Variants in CEP350 observed in about 807,000 individuals in gnomAD.
CEP350 encodes centrosome-associated protein 350.
In CEP350, 126 loss-of-function variants were observed where a neutral mutation model predicts 331.8. The observed-to-expected ratio is 0.38, with a 90% CI of 0.33 to 0.44. The LOEUF is 0.44. Among genes scored for constraint, CEP350 ranks in the 20% least tolerant of loss-of-function variants. The probability of loss-of-function intolerance (pLI) is 1.00; values close to 1 mark genes in which losing one functional copy is unlikely to be tolerated. For synonymous variants in CEP350, 1,200 were observed against 1,259.5 expected (o/e 0.95, Z 1.00); for missense variants, 3,406 against 3,634.6 (o/e 0.94, Z 1.62).
At chr1:180,012,413 C>T (rs1558098832) in intron 9 of CEP350, among the ~76,000 whole-genome samples, 1 of 152,170 alleles carries the variant, frequency 6.6e-6, no homozygotes, top group African/African-American at 2.4e-5. Flanking sequence ...TTCAAGCAAA[C>T]ACGGACAAAC....
chr1:180,034,352 A>G (rs779379297), intron 16 of CEP350, among the ~76,000 whole-genome samples: 3 of 152,194 alleles, frequency 2.0e-5, no homozygotes, highest in Non-Finnish European at 4.4e-5. Flanking sequence ...TTATATGTAT[A>G]TGCATGTATA....
chr1:179,991,695 GTGTGTGTGTGTGTA>G (rs1371612356), intron 4 of CEP350, among the ~76,000 whole-genome samples: 2 of 128,484 alleles, frequency 1.6e-5, no homozygotes, highest in Non-Finnish European at 3.3e-5. Context: ...GTGTGTGTGT[GTGTGTGTGTGTGTA>G]TATATATATA....
Position 180,035,792 on chromosome 1 carries a change from G to A in CEP350, c.3947-1134G>A, listed in dbSNP as rs1224225864. Among the ~76,000 whole-genome samples the A allele has an allele frequency of 2.0e-5, 3 of 152,312 alleles. No homozygotes were observed. In the East Asian group the frequency reaches 5.8e-4, roughly 29 times the overall value. On this transcript the variant is annotated intron_variant, in intron 16 of 37. Coordinates refer to ENST00000367607, the MANE Select transcript of CEP350 (RefSeq NM_014810.5). ...GATGGTCATAAAAAAGGAGATTAAT[G>A]TTTTTATGTCCCCTAACACAAAGTC... is the stretch of plus-strand genomic sequence containing the variant.
chr1:180,058,627 A>G (rs984833136), intron 25 of CEP350, among the ~76,000 whole-genome samples: 17 of 152,198 alleles, frequency 1.1e-4, no homozygotes, highest in African/African-American at 4.1e-4. Context: ...AGATAATAAC[A>G]TATTTGAAAC....
chr1:180,073,624 T>A (rs144855114), intron 27 of CEP350, among the ~76,000 whole-genome samples: 83 of 152,334 alleles, frequency 5.4e-4, no homozygotes, highest in African/African-American at 1.9e-3. Context: ...AATACACTTT[T>A]AAAAATGTCA....
rs1659382062 is a variant in CEP350 at position 180,078,674 on chromosome 1, T to C, written c.5979T>C (p.His1993=). The C allele has an allele frequency of 6.3e-7, 1 of 1,587,936 alleles. No homozygotes were observed. Among genetic ancestry groups the C allele is most frequent in the East Asian group, 2.3e-5 (1 of 43,806 alleles). ...AATCTTCTACCTCTCCTAGTAAACA[T>C]GTAAGTTAATGTATATTTATATCTT... The part of the protein sequence containing the change: ...ELESSTSPSK[H]SLPKSCTSVS... The change falls in exon 29 of 38, where the codon CAT becomes CAC. Residue 1993 remains histidine (H), a splice_region_variant and synonymous_variant. Transcript: ENST00000367607.
In CEP350 at chr1:179,981,964, C is replaced by T. The variant is rs573965702; in HGVS notation, c.-13-4205C>T. Among the ~76,000 whole-genome samples the T allele has an allele frequency of 4.7e-4, 72 of 152,242 alleles. 1 individual carries two copies. The highest frequency in any genetic ancestry group is 1.7e-3 in the African/African-American group (72 of 41,546). On this transcript the variant is annotated intron_variant, in intron 1 of 37. Transcript: ENST00000367607. ...GCAGTGAGCCTTGATTGCACTACTACACTCCAGCCTGGGTAACAGAGTGAC... is the reference window on the plus strand; with the variant it reads ...GCAGTGAGCCTTGATTGCACTACTATACTCCAGCCTGGGTAACAGAGTGAC...
Position 180,022,754 on chromosome 1 carries a change from G to T in CEP350, c.3292G>T (p.Ala1098Ser), listed in dbSNP as rs759784572. Reference sequence around the variant, plus strand: ...AACATCACGGCCTTTGAATGCCACCGCAACTCCTCTAAGTGGTGTTTCATA... The same window carrying T: ...AACATCACGGCCTTTGAATGCCACCTCAACTCCTCTAAGTGGTGTTTCATA... ...TSTSRPLNAT[A>S]TPLSGVSYED... The change falls in exon 13 of 38, where the codon GCA becomes TCA. Residue 1098 changes from alanine (A) to serine (S), a missense_variant. This residue lies in a region of CEP350 where 1,857 missense variants were observed against 1,909.2 expected (regional missense o/e 0.97). Transcript: ENST00000367607. 3 of 1,610,878 alleles carry T rather than the reference G, an allele frequency of 1.9e-6. No individual in the cohort carries two copies. The highest frequency in any genetic ancestry group is 1.1e-5 in the South Asian group (1 of 90,444).
chr1:180,039,289 AG>A (rs1221966661), intron 17 of CEP350, among the ~76,000 whole-genome samples: 4 of 10,804 alleles, frequency 3.7e-4, no homozygotes, highest in African/African-American at 1.4e-3. Flanking sequence ...GGAGGGAGGG[AG>A]GGGAGGGAGG....
chr1:180,066,304 A>G (rs943656980), intron 27 of CEP350, among the ~76,000 whole-genome samples: 2 of 152,326 alleles, frequency 1.3e-5, no homozygotes, highest in Admixed American at 6.5e-5. Flanking sequence ...CTCGAAACCC[A>G]TTAAATATGG....
At chr1:180,102,444 A>G (rs956078854) in intron 37 of CEP350, among the ~76,000 whole-genome samples, 30 of 152,194 alleles carry the variant, frequency 2.0e-4, no homozygotes, top group African/African-American at 7.2e-4. Context: ...CCAACCCCCC[A>G]CATTTTAACA....
In CEP350 at chr1:180,024,589, G is replaced by A; in HGVS notation, c.3550+7G>A. On this transcript the variant is annotated splice_region_variant and intron_variant, in intron 14 of 37. Coordinates refer to ENST00000367607, the MANE Select transcript of CEP350 (RefSeq NM_014810.5). ...AAAAAGGAAAAGACAGAATGTAAGTGGAATTCCACATGGTAACTTTTTCTC... is the reference window on the plus strand; with the variant it reads ...AAAAAGGAAAAGACAGAATGTAAGTAGAATTCCACATGGTAACTTTTTCTC... 1 of 1,601,846 alleles carries A rather than the reference G, an allele frequency of 6.2e-7. No homozygotes were observed. The highest frequency in any genetic ancestry group is 1.1e-5 in the South Asian group (1 of 89,850).
chr1:180,101,082 A>G (rs76229190), intron 37 of CEP350, among the ~76,000 whole-genome samples: 5,396 of 152,290 alleles, frequency 0.035, 181 homozygotes, highest in African/African-American at 0.072. Context: ...ACTAAACAAA[A>G]TATTTCTTTT....
At chr1:179,955,419 G>A (rs1311123252) in intron 1 of CEP350, among the ~76,000 whole-genome samples, 1 of 152,182 alleles carries the variant, frequency 6.6e-6, no homozygotes. Context: ...GCCTGCAGAG[G>A]TAAGATACCT....
At chr1:180,064,869 ATT>A (rs1658451588) in intron 26 of CEP350, among the ~76,000 whole-genome samples, 1 of 152,084 alleles carries the variant, frequency 6.6e-6, no homozygotes, top group African/African-American at 2.4e-5. Context: ...CTTTTTTAAA[ATT>A]ATTACATGTT....
Position 180,043,143 on chromosome 1 carries a change from C to G in CEP350, c.4450C>G (p.His1484Asp), listed in dbSNP as rs757701826. ...LAILYDHQRQHLPDFVKQLRT... is the reference protein window; with the variant it reads ...LAILYDHQRQDLPDFVKQLRT... ...AATACTGTATGACCACCAACGGCAG[C>G]ACCTTCCAGACTTTGTGAAACAGCT... The change falls in exon 20 of 38, where the codon CAC (histidine) becomes GAC (aspartate). Residue 1484 changes from histidine to aspartate, a missense_variant. By Grantham distance (81) the His-to-Asp change is moderately conservative (BLOSUM62 -1). This residue lies in a region of CEP350 where 1,857 missense variants were observed against 1,909.2 expected (regional missense o/e 0.97). Transcript: ENST00000367607. The G allele has an allele frequency of 6.2e-7, 1 of 1,613,754 alleles. No homozygotes were observed.
chr1:180,067,180 T>G (rs1213126580), intron 27 of CEP350, among the ~76,000 whole-genome samples: 2 of 152,224 alleles, frequency 1.3e-5, no homozygotes, highest in African/African-American at 4.8e-5. Flanking sequence ...ATTATTTTCA[T>G]AGACTCCAAA....
chr1:179,983,877 A>G (rs1472961818), intron 1 of CEP350, among the ~76,000 whole-genome samples: 1 of 152,222 alleles, frequency 6.6e-6, no homozygotes, highest in African/African-American at 2.4e-5. Context: ...ATAATTCACC[A>G]ATGAAGCACT....
intron 33 of CEP350, 65 bp downstream of exon 33, chr1:180,090,861 C>A: frequency 7.7e-7 from 1 of 1,303,944 alleles, no homozygotes; most frequent in African/African-American, 1.5e-5. Flanking sequence ...CAAAGGCCTA[C>A]AAAATTCTAC....
Sources: gnomAD v4.1 joint callset for allele counts (sites outside exome capture counted in the v4.1 genomes callset) on GRCh38, gnomAD v4.1.1 for gene constraint, gnomAD v4.1.1 regional missense constraint, MANE v1.5 for transcripts, NCBI Gene and HGNC (gene_info 2026-07-23, HGNC 2026-07-21) for gene names.